MYRFL: variants seen among roughly 807,000 people sequenced by gnomAD.
MYRFL encodes the protein myelin regulatory factor like.
In MYRFL, 88 loss-of-function variants were observed where a neutral mutation model predicts 109.4. The observed-to-expected ratio is 0.80, with a 90% CI of 0.68 to 0.96. The LOEUF is 0.96. Among genes scored for constraint, MYRFL ranks in the 40% least tolerant of loss-of-function variants. The pLI, the probability that MYRFL is intolerant of heterozygous loss-of-function variation, is 0.00. For missense variants in MYRFL, 957 were observed against 954.9 expected, an observed-to-expected ratio of 1.00 and a Z score of -0.03; for synonymous variants, 324 against 320.9, an observed-to-expected ratio of 1.01 and a Z score of -0.10.
At chr12:69,951,301 G>A (rs988958406) in intron 19 of MYRFL, among the ~76,000 whole-genome samples, 2 of 152,152 alleles carry the variant, frequency 1.3e-5, no homozygotes, top group African/African-American at 4.8e-5. Flanking sequence ...GGTGTCAGCA[G>A]GTCTGATTTC....
At chr12:69,900,388 C>A (rs1377622742) in intron 10 of MYRFL, among the ~76,000 whole-genome samples, 1 of 152,152 alleles carries the variant, frequency 6.6e-6, no homozygotes, top group African/African-American at 2.4e-5. Context: ...AGAAGGGCAA[C>A]TTACGACCAG....
intron 13 of MYRFL, among the ~76,000 whole-genome samples, chr12:69,921,620 T>C (rs2120428473): frequency 6.6e-6 from 1 of 152,364 alleles, no homozygotes; most frequent in Middle Eastern, 3.4e-3. Context: ...AATTTTCTAT[T>C]GGATGGATCC....
intron 19 of MYRFL, among the ~76,000 whole-genome samples, chr12:69,950,459 C>T (rs1175247316): frequency 1.3e-5 from 2 of 152,156 alleles, no homozygotes; most frequent in African/African-American, 4.8e-5. Flanking sequence ...GTTCTTTCTC[C>T]TTGCTAGTGT....
Position 69,880,951 on chromosome 12 carries a change from G to GGTTTTTTTTTTTTTTTTTTT in MYRFL, c.556+659_556+660insGTTTTTTTTTTTTTTTTTTT, listed in dbSNP as rs1555246956. On this transcript the variant is annotated intron_variant, in intron 5 of 24. Transcript: ENST00000552032. ...TAATGTCCAAGCGGTCAGCCTTCCTGTTTTTTTTTTTTTTTTTTGTCTTAT... is the reference window on the plus strand; with the variant it reads ...TAATGTCCAAGCGGTCAGCCTTCCTGGTTTTTTTTTTTTTTTTTTTTTTTTTTTTTTTTTTTTTGTCTTAT... 1.3e-4 allele frequency among the ~76,000 whole-genome samples: 15 copies of GGTTTTTTTTTTTTTTTTTTT among 112,624 alleles called. 2 individuals are homozygous for GGTTTTTTTTTTTTTTTTTTT. Among genetic ancestry groups the GGTTTTTTTTTTTTTTTTTTT allele is most frequent in the Non-Finnish European group, 2.0e-4 (11 of 55,770 alleles). The allele number at this position is 112,624 out of a possible 152,430, so 73.9% of individuals were successfully genotyped here.
At chr12:69,848,945 C>T (rs989592639) in intron 1 of MYRFL, among the ~76,000 whole-genome samples, 1 of 152,190 alleles carries the variant, frequency 6.6e-6, no homozygotes, top group Non-Finnish European at 1.5e-5. Flanking sequence ...GATCTCGGCT[C>T]ACTGCAACCT....
chr12:69,850,039 G>A (rs550500733), intron 1 of MYRFL, among the ~76,000 whole-genome samples: 1 of 152,248 alleles, frequency 6.6e-6, no homozygotes, highest in Non-Finnish European at 1.5e-5. Context: ...ATAGGGGGAG[G>A]TCTTTCCTGT....
chr12:69,866,380 C>T (rs1274897316), intron 2 of MYRFL, among the ~76,000 whole-genome samples: 1 of 152,036 alleles, frequency 6.6e-6, no homozygotes, highest in African/African-American at 2.4e-5. Flanking sequence ...TCCATGACCG[C>T]AGGGACACTG....
chr12:69,882,135 A>G (rs1331227182), intron 5 of MYRFL, among the ~76,000 whole-genome samples: 1 of 152,174 alleles, frequency 6.6e-6, no homozygotes, highest in East Asian at 1.9e-4. Flanking sequence ...CCATCTTCAG[A>G]GAACAACCAT....
chr12:69,939,983 G>A (rs560392691), intron 19 of MYRFL, among the ~76,000 whole-genome samples: 6 of 152,122 alleles, frequency 3.9e-5, no homozygotes, highest in South Asian at 4.2e-4. Flanking sequence ...GAAATGAAGT[G>A]AGAAGGAAAG....
chr12:69,917,383 C>CCT (rs372799795), intron 13 of MYRFL, among the ~76,000 whole-genome samples: 2 of 102,514 alleles, frequency 2.0e-5, no homozygotes, highest in Non-Finnish European at 3.6e-5. Flanking sequence ...TATTCACTGA[C>CCT]TTTTTTTTTT....
intron 11 of MYRFL, chr12:69,904,368 A>G (rs1210009754): frequency 6.6e-6 from 1 of 152,502 alleles, no homozygotes; most frequent in South Asian, 2.1e-4. Context: ...TGGTCAGTTC[A>G]TCGCCAAGAG....
intron 2 of MYRFL, among the ~76,000 whole-genome samples, chr12:69,875,558 C>T (rs1280342896): frequency 6.6e-6 from 1 of 152,134 alleles, no homozygotes; most frequent in East Asian, 1.9e-4. Flanking sequence ...CAACCCCTGC[C>T]GGTGGACTGC....
intron 2 of MYRFL, among the ~76,000 whole-genome samples, chr12:69,871,705 T>G (rs1885365579): frequency 6.6e-6 from 1 of 152,204 alleles, no homozygotes. Flanking sequence ...TGTCTAAAAT[T>G]TTTTAGTTAT....
intron 13 of MYRFL, among the ~76,000 whole-genome samples, chr12:69,918,704 T>G (rs1441855446): frequency 6.6e-6 from 1 of 152,198 alleles, no homozygotes; most frequent in Non-Finnish European, 1.5e-5. Context: ...TTTCTCTGAT[T>G]AGTAATAAAG....
intron 13 of MYRFL, among the ~76,000 whole-genome samples, chr12:69,918,114 A>C (rs1455950123): frequency 6.6e-6 from 1 of 152,162 alleles, no homozygotes; most frequent in Non-Finnish European, 1.5e-5. Context: ...TGTTCCCTAC[A>C]TTTAAAAATT....
Position 69,945,018 on chromosome 12 carries a change from G to GA in MYRFL, c.2225-7087dup, listed in dbSNP as rs1033107200. On this transcript the variant is annotated intron_variant, in intron 19 of 24. Transcript: ENST00000552032. ...AAAATAAAATAGATATTTAAAATGTGAAAAAAAATTAAAATAAAGATATAA... is the reference window on the plus strand; with the variant it reads ...AAAATAAAATAGATATTTAAAATGTGAAAAAAAAATTAAAATAAAGATATAA... 5.3e-5 allele frequency among the ~76,000 whole-genome samples: 8 copies of GA among 151,266 alleles called. No homozygotes were observed. In the South Asian group the frequency reaches 8.4e-4, roughly 16 times the overall value.
intron 15 of MYRFL, among the ~76,000 whole-genome samples, chr12:69,929,242 T>C (rs1336080289): frequency 1.3e-5 from 2 of 152,110 alleles, no homozygotes; most frequent in African/African-American, 4.8e-5. Context: ...ATATAGGGCT[T>C]AAAGAGCACC....
chr12:69,943,996 A>C (rs1156286095), intron 19 of MYRFL, among the ~76,000 whole-genome samples: 23 of 148,568 alleles, frequency 1.5e-4, no homozygotes, highest in Non-Finnish European at 3.5e-4. Flanking sequence ...ACCATCTCAC[A>C]CCAGTTAGAA....
chr12:69,828,182 G>A (rs1471800069), intron 1 of MYRFL, among the ~76,000 whole-genome samples: 7 of 152,040 alleles, frequency 4.6e-5, no homozygotes, highest in Admixed American at 1.3e-4. Context: ...ACATCATTCT[G>A]GGCTATGGGA....
Sources: allele counts gnomAD v4.1 joint callset (sites outside exome capture counted in the v4.1 genomes callset), GRCh38; gene constraint gnomAD v4.1.1; transcripts MANE v1.5; gene names NCBI Gene and HGNC (gene_info 2026-07-23, HGNC 2026-07-21).